GLG1: variants seen among roughly 807,000 people sequenced by gnomAD.
GLG1 encodes the protein golgi glycoprotein 1.
In GLG1, 38 loss-of-function variants were observed where a neutral mutation model predicts 160.5. The ratio of observed to expected loss-of-function variants is 0.24; its 90% confidence interval spans 0.18 to 0.31. The LOEUF (loss-of-function observed/expected upper bound fraction) is 0.31. Ranked by LOEUF, GLG1 falls within the 10% of genes least tolerant of loss-of-function variation. GLG1 has a pLI of 1.00. For missense variants in GLG1, 1,373 were observed against 1,505.2 expected (o/e 0.91, Z 1.45); for synonymous variants, 644 against 543.4 (o/e 1.19, Z -2.57).
intron 6 of GLG1, among the ~76,000 whole-genome samples, chr16:74,493,932 C>T (rs1222972979): frequency 6.6e-6 from 1 of 151,962 alleles, no homozygotes; most frequent in Non-Finnish European, 1.5e-5. Context: ...TTATATAAAA[C>T]CACAGTGAGA....
chr16:74,533,544 G>A, intron 1 of GLG1, among the ~76,000 whole-genome samples: 1 of 152,136 alleles, frequency 6.6e-6, no homozygotes, highest in Non-Finnish European at 1.5e-5. Flanking sequence ...ACTTTGGGAG[G>A]CCGAGGCAGG....
intron 1 of GLG1, among the ~76,000 whole-genome samples, chr16:74,604,762 G>C (rs9929763): frequency 1.3e-5 from 2 of 151,934 alleles, no homozygotes; most frequent in Non-Finnish European, 1.5e-5. Flanking sequence ...TAAAGAAAAA[G>C]AAAATAGGGT....
intron 1 of GLG1, among the ~76,000 whole-genome samples, chr16:74,593,484 G>T (rs1194022612): frequency 6.7e-6 from 1 of 148,256 alleles, no homozygotes; most frequent in Non-Finnish European, 1.5e-5. Context: ...ACCCAGGCTG[G>T]AGTGCAATAA....
At chr16:74,582,261 G>A (rs1297987670) in intron 1 of GLG1, among the ~76,000 whole-genome samples, 2 of 152,044 alleles carry the variant, frequency 1.3e-5, no homozygotes, top group African/African-American at 4.8e-5. Flanking sequence ...CTGCCTCCCA[G>A]GTTCAAGTGA....
At chr16:74,599,311 T>G (rs906561010) in intron 1 of GLG1, among the ~76,000 whole-genome samples, 1 of 152,198 alleles carries the variant, frequency 6.6e-6, no homozygotes, top group Non-Finnish European at 1.5e-5. Context: ...ACAGCCCCTT[T>G]AATAATTCCC....
intron 1 of GLG1, among the ~76,000 whole-genome samples, chr16:74,539,540 T>A (rs961417931): frequency 6.8e-6 from 1 of 147,870 alleles, no homozygotes; most frequent in Non-Finnish European, 1.5e-5. Flanking sequence ...ATTAGCAGAA[T>A]GACTCAGAGA....
chr16:74,451,850 A>T lies in GLG1; in HGVS notation c.*1317T>A. ...GGATGGCCAAGAATATTGCTTCTAT[A>T]AAGCCCATATTCTGCAAAGGTTGAT... On this transcript the variant is annotated 3_prime_UTR_variant, in exon 26 of 26. Coordinates refer to ENST00000422840, the MANE Select transcript of GLG1 (RefSeq NM_001145667.2). The T allele has an allele frequency of 1.9e-6, 1 of 533,188 alleles. No homozygotes were observed. Among genetic ancestry groups the T allele is most frequent in the Non-Finnish European group, 3.4e-6 (1 of 293,548 alleles). 33.0% of individuals were successfully genotyped at this position (533,188 alleles called of 1,614,324 possible).
At chr16:74,550,041 G>A (rs2018155876) in intron 1 of GLG1, among the ~76,000 whole-genome samples, 1 of 152,268 alleles carries the variant, frequency 6.6e-6, no homozygotes, top group South Asian at 2.1e-4. Context: ...TGCTTGAGCT[G>A]GGGAAAGTTG....
intron 1 of GLG1, among the ~76,000 whole-genome samples, chr16:74,581,014 A>G (rs1957926458): frequency 6.6e-6 from 1 of 152,236 alleles, no homozygotes; most frequent in African/African-American, 2.4e-5. Context: ...GAGGATGTGA[A>G]GAAATTAGAA....
intron 4 of GLG1, among the ~76,000 whole-genome samples, chr16:74,502,260 T>C (rs1466056503): frequency 1.3e-5 from 2 of 152,226 alleles, no homozygotes; most frequent in Non-Finnish European, 2.9e-5. Flanking sequence ...TTTTCATTTT[T>C]GCTGAGCAAA....
intron 4 of GLG1, among the ~76,000 whole-genome samples, chr16:74,502,219 C>G (rs2016430676): frequency 6.6e-6 from 1 of 152,200 alleles, no homozygotes; most frequent in South Asian, 2.1e-4. Flanking sequence ...GGGTCCCTCT[C>G]CCACTGGCAT....
intron 7 of GLG1, among the ~76,000 whole-genome samples, chr16:74,491,701 G>A (rs1348414860): frequency 3.9e-5 from 5 of 129,202 alleles, no homozygotes; most frequent in East Asian, 2.4e-4. Flanking sequence ...TGCAGCGCGC[G>A]ATCTCGGCTC....
intron 1 of GLG1, among the ~76,000 whole-genome samples, chr16:74,559,043 T>C (rs1287953382): frequency 6.6e-6 from 1 of 152,030 alleles, no homozygotes; most frequent in Non-Finnish European, 1.5e-5. Flanking sequence ...TCCCACTATG[T>C]GTGACTCATT....
chr16:74,602,587 G>C (rs1402615053), intron 1 of GLG1, among the ~76,000 whole-genome samples: 2 of 151,878 alleles, frequency 1.3e-5, no homozygotes, highest in Non-Finnish European at 1.5e-5. Context: ...TTCGAGACTA[G>C]CCTGGCCAAT....
intron 1 of GLG1, among the ~76,000 whole-genome samples, chr16:74,586,432 A>G (rs1443594302): frequency 6.6e-6 from 1 of 152,170 alleles, no homozygotes; most frequent in African/African-American, 2.4e-5. Context: ...TTGACACACA[A>G]TGAAATTATA....
intron 2 of GLG1, among the ~76,000 whole-genome samples, chr16:74,512,457 G>T (rs2016845076): frequency 6.6e-6 from 1 of 151,960 alleles, no homozygotes; most frequent in Non-Finnish European, 1.5e-5. Context: ...TAGAGATGGG[G>T]TTTCACCATG....
At position 74,449,083 on chromosome 16, in the gene GLG1, GAGTGAGACTCCATCTC is replaced by G. The variant is rs1390414625; in HGVS notation, c.*4068_*4083del. On this transcript the variant is annotated 3_prime_UTR_variant, in exon 26 of 26. Coordinates refer to ENST00000422840, the MANE Select transcript of GLG1 (RefSeq NM_001145667.2). ...GCCACAGCACTCCAGCCTGGCAACG[GAGTGAGACTCCATCTC>G]AGAAACAAAACAAAAAACCAAAAAA... The G allele has an allele frequency of 1.3e-5, 2 of 152,226 alleles. No individual in the cohort carries two copies. Among genetic ancestry groups the G allele is most frequent in the Non-Finnish European group, 2.9e-5 (2 of 68,108 alleles). The allele number at this position is 152,226 out of a possible 1,614,324, so 9.4% of individuals were successfully genotyped here.
chr16:74,511,436 G>A (rs1362564258), intron 2 of GLG1, among the ~76,000 whole-genome samples: 1 of 152,120 alleles, frequency 6.6e-6, no homozygotes, highest in Admixed American at 6.5e-5. Context: ...TGGATAACCT[G>A]AGGTCAGGAG....
chr16:74,486,173 T>A (rs188176028), intron 8 of GLG1, among the ~76,000 whole-genome samples: 1 of 152,202 alleles, frequency 6.6e-6, no homozygotes, highest in East Asian at 1.9e-4. Context: ...TCCCTGGAGG[T>A]CTTTACAACA....
Sources: allele counts gnomAD v4.1 joint callset (sites outside exome capture counted in the v4.1 genomes callset), GRCh38; gene constraint gnomAD v4.1.1; transcripts MANE v1.5; gene names NCBI Gene and HGNC (gene_info 2026-07-23, HGNC 2026-07-21).